TEFM: variants seen among roughly 807,000 people sequenced by gnomAD.
TEFM encodes transcription elongation factor, mitochondrial.
In TEFM, 14 loss-of-function variants were observed where a neutral mutation model predicts 23.0. The ratio of observed to expected loss-of-function variants is 0.61; its 90% CI spans 0.40 to 0.95. The LOEUF is 0.95. TEFM is among the 40% of genes least tolerant of loss of function. The probability of loss-of-function intolerance (pLI) is 0.00; values close to 1 mark genes in which losing one functional copy is unlikely to be tolerated. For missense variants in TEFM, 386 were observed against 425.5 expected, an observed-to-expected ratio of 0.91 and a Z score of 0.82; for synonymous variants, 155 against 158.3, an observed-to-expected ratio of 0.98 and a Z score of 0.16.
rs1910117530 is a variant in TEFM at position 30,904,294 on chromosome 17, T to G, written c.267A>C (p.Arg89=). Residue 89 remains arginine (R), a synonymous_variant, in exon 2 of 4, where the codon CGA becomes CGC. Transcript: ENST00000581216. ...TGATGGACCTTCTTCCACGAAGCAATCGGAAAGCTTCAAGTTCTTTAGTAG... is the reference window on the plus strand; with the variant it reads ...TGATGGACCTTCTTCCACGAAGCAAGCGGAAAGCTTCAAGTTCTTTAGTAG... The part of the protein sequence containing the change: ...TASTKELEAF[R]LLRGRRSINI... 6.2e-7 allele frequency: 1 copy of G among 1,614,232 alleles called. No individual in the cohort carries two copies.
chr17:30,903,234 T>G (rs1288769589), intron 2 of TEFM, among the ~76,000 whole-genome samples: 2 of 149,800 alleles, frequency 1.3e-5, no homozygotes, highest in East Asian at 1.9e-4. Flanking sequence ...ATGGTGTTTT[T>G]TTTTTTTTTT....
At chr17:30,900,792 G>GT (rs1336721084) in intron 2 of TEFM, among the ~76,000 whole-genome samples, 6 of 150,118 alleles carry the variant, frequency 4.0e-5, no homozygotes, top group African/African-American at 1.5e-4. Context: ...TTTTTTAGTA[G>GT]AGATGGGGTT....
chr17:30,906,082 C>T, intron 1 of TEFM, 86 bp downstream of exon 1: 8 of 1,393,920 alleles, frequency 5.7e-6, no homozygotes, highest in Non-Finnish European at 7.7e-6. Flanking sequence ...GTTCCAAGCA[C>T]CCTACCTCCC....
In TEFM at chr17:30,902,826, A is replaced by C. The variant is rs115077737; in HGVS notation, c.495+1240T>G. Reference sequence around the variant, plus strand: ...ATTATCAAGCAATGTTACACAGGACATGAGTTCCTCTAAAGTTTAATACTT... The same window carrying C: ...ATTATCAAGCAATGTTACACAGGACCTGAGTTCCTCTAAAGTTTAATACTT... On this transcript the variant is annotated intron_variant, in intron 2 of 3. Coordinates refer to ENST00000581216, the MANE Select transcript of TEFM (RefSeq NM_024683.4). Among the ~76,000 whole-genome samples the C allele has an allele frequency of 5.6e-3, 856 of 152,306 alleles. 8 individuals are homozygous for C. Among genetic ancestry groups the C allele is most frequent in the African/African-American group, 0.02 (824 of 41,584 alleles).
In TEFM at chr17:30,901,816, C is replaced by A. The variant is rs145548010; in HGVS notation, c.496-1254G>T. Among the ~76,000 whole-genome samples, 736 of 152,202 alleles carry A rather than the reference C, an allele frequency of 4.8e-3. 3 individuals are homozygous for A. Among genetic ancestry groups the A allele is most frequent in the Non-Finnish European group, 8.9e-3 (607 of 68,016 alleles). ...TAAAGGTAGGGATCTGTGTTAGGTA[C>A]CTGTTACAACATGAGAAAGTGTTAA... On this transcript the variant is annotated intron_variant, in intron 2 of 3. Coordinates refer to ENST00000581216, the MANE Select transcript of TEFM (RefSeq NM_024683.4).
At position 30,904,533 on chromosome 17, in the gene TEFM, A is replaced by T; in HGVS notation, c.32-4T>A. ...GTCAGAAAGCATCTCCACCTCTCTA[A>T]AAGGAAAATTTAGCAAAATATAAGT... On this transcript the variant is annotated splice_region_variant and splice_polypyrimidine_tract_variant and intron_variant, in intron 1 of 3. Transcript: ENST00000581216. 6.3e-7 allele frequency: 1 copy of T among 1,585,874 alleles called. No individual in the cohort carries two copies. Among genetic ancestry groups the T allele is most frequent in the Non-Finnish European group, 8.6e-7 (1 of 1,167,182 alleles).
intron 2 of TEFM, among the ~76,000 whole-genome samples, chr17:30,901,845 T>C (rs1910053387): frequency 1.3e-5 from 2 of 152,162 alleles, no homozygotes; most frequent in African/African-American, 2.4e-5. Context: ...GTGTTAAGAA[T>C]TGAAGACAAT....
At chr17:30,901,257 G>C (rs1598008950) in intron 2 of TEFM, among the ~76,000 whole-genome samples, 1 of 151,946 alleles carries the variant, frequency 6.6e-6, no homozygotes, top group East Asian at 1.9e-4. Context: ...CTGACCTCAA[G>C]TGATCCACCT....
chr17:30,904,251 C>A lies in TEFM; in HGVS notation c.310G>T (p.Glu104Ter). Residue 104 changes from glutamate to a stop codon, truncating the protein, a stop_gained, in exon 2 of 4, where the codon GAA (glutamate) becomes TAA (stop). Coordinates refer to ENST00000581216, the MANE Select transcript of TEFM (RefSeq NM_024683.4). LOFTEE classifies it high-confidence loss of function. ...AAATTCTGAAATGGCCCAAAGTTTTCTCTGTGCTCTACGATATTGATGGAC... is the reference window on the plus strand; with the variant it reads ...AAATTCTGAAATGGCCCAAAGTTTTATCTGTGCTCTACGATATTGATGGAC... ...RRSINIVEHR[E>*]NFGPFQNLES... is the part of the protein sequence containing the mutation. The A allele has an allele frequency of 1.2e-6, 2 of 1,614,200 alleles. No homozygotes were observed. The highest frequency in any genetic ancestry group is 1.1e-5 in the South Asian group (1 of 91,086).
chr17:30,900,325 C>A, intron 3 of TEFM, 88 bp downstream of exon 3: 1 of 1,284,938 alleles, frequency 7.8e-7, no homozygotes, highest in Non-Finnish European at 1.1e-6. Flanking sequence ...CCCATCTTTA[C>A]TATTTTATTA....
chr17:30,900,120 A>G, intron 3 of TEFM: 1 of 418,276 alleles, frequency 2.4e-6, no homozygotes, highest in Non-Finnish European at 4.2e-6. Context: ...ATGTGATGGC[A>G]TTTTGAAAAA....
Position 30,900,419 on chromosome 17 carries a change from T to A in TEFM, c.639A>T (p.Leu213Phe), listed in dbSNP as rs748094972. ...GGAGGTGCAACTGCCTTACCTCTTC[T>A]AAATAGACTGATGATGAGTATATTC... ...MRGIYSSSVYLEEISSIISKM... is the reference protein window; with the variant it reads ...MRGIYSSSVYFEEISSIISKM... Residue 213 changes from leucine (L) to phenylalanine (F), a missense_variant, in exon 3 of 4, where the codon TTA becomes TTT. Coordinates refer to ENST00000581216, the MANE Select transcript of TEFM (RefSeq NM_024683.4). 6.2e-7 allele frequency: 1 copy of A among 1,614,134 alleles called. No individual in the cohort carries two copies. Among genetic ancestry groups the A allele is most frequent in the Non-Finnish European group, 8.5e-7 (1 of 1,180,008 alleles).
intron 1 of TEFM, among the ~76,000 whole-genome samples, chr17:30,905,709 G>A (rs978402354): frequency 6.6e-6 from 1 of 152,150 alleles, no homozygotes; most frequent in Non-Finnish European, 1.5e-5. Context: ...TTGCAAGTAT[G>A]AGAAACACCA....
chr17:30,902,998 C>A (rs1598009489), intron 2 of TEFM, among the ~76,000 whole-genome samples: 1 of 151,820 alleles, frequency 6.6e-6, no homozygotes, highest in South Asian at 2.1e-4. Flanking sequence ...CAAAAATTAG[C>A]TGGGCGTGGT....
intron 1 of TEFM, among the ~76,000 whole-genome samples, chr17:30,905,606 T>C (rs1325276962): frequency 3.3e-5 from 5 of 152,232 alleles, no homozygotes; most frequent in Non-Finnish European, 5.9e-5. Flanking sequence ...AATTAAATTT[T>C]GTACGTTTAT....
intron 1 of TEFM, 54 bp from the exon 2 acceptor site, chr17:30,904,583 T>C: frequency 7.3e-7 from 1 of 1,374,150 alleles, no homozygotes; most frequent in Admixed American, 2.2e-5. Flanking sequence ...CCTTTGGGGT[T>C]AGTTGCAAGC....
rs950151867 is a variant in TEFM, at chr17:30,904,664, T to C, written c.32-135A>G. 4.0e-5 allele frequency: 26 copies of C among 652,420 alleles called. 1 individual carries two copies. The highest frequency in any genetic ancestry group is 5.9e-5 in the Non-Finnish European group (23 of 391,962). 40.4% of individuals were successfully genotyped at this position (652,420 alleles called of 1,614,324 possible). A position where few individuals can be genotyped will look rare whatever the true frequency, so the allele number is the denominator to read the frequency against. ...AGAACTAATAGAGGACAATATTAAA[T>C]TGTCTTGGAGAATCATCTTTTTTTT... On this transcript the variant is annotated intron_variant, in intron 1 of 3. Coordinates refer to ENST00000581216, the MANE Select transcript of TEFM (RefSeq NM_024683.4).
At position 30,904,265 on chromosome 17, in the gene TEFM, A is replaced by C. The variant is rs1910116828; in HGVS notation, c.296T>G (p.Ile99Ser). 1 of 1,614,088 alleles carries C rather than the reference A, an allele frequency of 6.2e-7. No homozygotes were observed. The highest frequency in any genetic ancestry group is 1.3e-5 in the African/African-American group (1 of 74,924). The change falls in exon 2 of 4, where the codon ATC becomes AGC. Residue 99 changes from isoleucine (I) to serine (S), a missense_variant. Coordinates refer to ENST00000581216, the MANE Select transcript of TEFM (RefSeq NM_024683.4). ...RLLRGRRSIN[I>S]VEHRENFGPF... ...CCCAAAGTTTTCTCTGTGCTCTACG[A>C]TATTGATGGACCTTCTTCCACGAAG...
At chr17:30,900,657 A>G in intron 2 of TEFM, 95 bp from the exon 3 acceptor site, 3 of 1,113,464 alleles carry the variant, frequency 2.7e-6, no homozygotes, top group Non-Finnish European at 3.8e-6. Flanking sequence ...GCTGGAGTGC[A>G]GTGGCGCGAT....
Sources: gnomAD v4.1 joint callset for allele counts (sites outside exome capture counted in the v4.1 genomes callset) on GRCh38, gnomAD v4.1.1 for gene constraint, MANE v1.5 for transcripts, NCBI Gene and HGNC (gene_info 2026-07-23, HGNC 2026-07-21) for gene names.